DTX2: variants seen among roughly 807,000 people sequenced by gnomAD.
DTX2 encodes the protein deltex E3 ubiquitin ligase 2, also known as probable E3 ubiquitin-protein ligase DTX2.
DTX2 carries 29 observed loss-of-function variants against 55.3 expected under a neutral mutation model. The ratio of observed to expected loss-of-function variants is 0.52; its 90% CI spans 0.39 to 0.71. The LOEUF (loss-of-function observed/expected upper bound fraction) is 0.71, where lower values mean the gene tolerates loss of function less well. DTX2 is among the 30% of genes least tolerant of loss of function. The pLI is 0.00. For missense variants in DTX2, 537 were observed against 822.5 expected (o/e 0.65, Z 4.25); for synonymous variants, 276 against 340.4 (o/e 0.81, Z 2.08).
Position 76,480,482 on chromosome 7 carries a change from T to C in DTX2, c.-28T>C. The C allele has an allele frequency of 6.5e-7, 1 of 1,538,240 alleles. No individual in the cohort carries two copies. The highest frequency in any genetic ancestry group is 2.3e-5 in the East Asian group (1 of 44,280). ...CAGGCCAGAGGGGTCTGAAGCTGTT[T>C]GGGAAAGCAGCGGGACTCCTTGGGA... On this transcript the variant is annotated 5_prime_UTR_variant, in exon 3 of 11. Transcript: ENST00000430490.
chr7:76,500,112 A>T (rs1312041356), intron 6 of DTX2: 1 of 347,246 alleles, frequency 2.9e-6, no homozygotes, highest in East Asian at 7.5e-5. Context: ...GCGCAGCCTC[A>T]GAAGCGCCGG....
chr7:76,498,860 A>G (rs1219280020), intron 6 of DTX2, among the ~76,000 whole-genome samples: 5 of 52,904 alleles, frequency 9.5e-5, no homozygotes, highest in Non-Finnish European at 1.3e-4. Context: ...TGTGGAGGTG[A>G]GGGTGTGTGG....
Position 76,472,474 on chromosome 7 carries a change from A to C in DTX2, c.-89-7947A>C, listed in dbSNP as rs1490606062. On this transcript the variant is annotated intron_variant, in intron 2 of 10. Transcript: ENST00000430490. ...CCCAGGTAGCTGGGATTACAGGTGCATGCCACCATGCCCAGCTAATTTTTG... is the reference window on the plus strand; with the variant it reads ...CCCAGGTAGCTGGGATTACAGGTGCCTGCCACCATGCCCAGCTAATTTTTG... Among the ~76,000 whole-genome samples the C allele has an allele frequency of 2.7e-5, 4 of 145,492 alleles. No homozygotes were observed. In the East Asian group the frequency reaches 8.0e-4, roughly 29 times the overall value.
chr7:76,480,704 G>A lies in DTX2; in HGVS notation c.195G>A (p.Leu65=). 6.2e-7 allele frequency: 1 copy of A among 1,613,684 alleles called. No individual in the cohort carries two copies. Among genetic ancestry groups the A allele is most frequent in the Non-Finnish European group, 8.5e-7 (1 of 1,179,818 alleles). ...GLGSLAHSIP[L]GQADPSLAPY... is the part of the protein sequence containing the mutation. ...GGAGCCTGGCCCACAGCATCCCCTT[G>A]GGCCAGGCAGACCCCTCGCTGGCCC... Residue 65 remains leucine, a synonymous_variant, in exon 3 of 11, where the codon TTG becomes TTA. Coordinates refer to ENST00000430490, the MANE Select transcript of DTX2 (RefSeq NM_001102594.3).
rs550117954 is a variant in DTX2 at position 76,482,919 on chromosome 7, C to T, written c.680C>T (p.Pro227Leu). The T allele has an allele frequency of 6.2e-7, 1 of 1,613,876 alleles. No homozygotes were observed. Among genetic ancestry groups the T allele is most frequent in the Non-Finnish European group, 8.5e-7 (1 of 1,179,788 alleles). The part of the protein sequence containing the change: ...SMTNLPAYPV[P>L]QHPPHRTASV... The stretch of plus-strand genomic sequence containing the variant: ...ACCAACCTCCCTGCATACCCCGTCC[C>T]CCAGCACCCCCCACACAGGACCGCT... Residue 227 changes from proline to leucine, a missense_variant, in exon 4 of 11, where the codon CCC (proline) becomes CTC (leucine). Pro to Leu is a moderately conservative substitution (Grantham distance 98). This residue lies in a region of DTX2 where 301 missense variants were observed against 396.6 expected (regional missense o/e 0.76). Transcript: ENST00000430490.
intron 8 of DTX2, chr7:76,503,132 A>T (rs529832992): frequency 4.2e-6 from 2 of 479,716 alleles, no homozygotes; most frequent in Admixed American, 3.6e-5. Flanking sequence ...AAGGCTGTCT[A>T]TCCGACTGCA....
At chr7:76,503,818 G>A (rs556872387) in intron 9 of DTX2, among the ~76,000 whole-genome samples, 2,453 of 150,596 alleles carry the variant, frequency 0.016, 66 homozygotes, top group African/African-American at 0.056. Context: ...ACTCTTTCCT[G>A]AACCAAGGAA....
At chr7:76,479,782 A>G (rs1808960776) in intron 2 of DTX2, among the ~76,000 whole-genome samples, 1 of 151,280 alleles carries the variant, frequency 6.6e-6, no homozygotes, top group Non-Finnish European at 1.5e-5. Flanking sequence ...TCAAAGAAAA[A>G]AAAATACATG....
intron 7 of DTX2, chr7:76,502,074 A>G (rs2116611810): frequency 1.9e-6 from 1 of 538,322 alleles, no homozygotes; most frequent in Non-Finnish European, 3.3e-6. Flanking sequence ...CTTAGTAGAG[A>G]TGGGGTTTTC....
chr7:76,463,098 G>T (rs1204042725), intron 1 of DTX2, among the ~76,000 whole-genome samples: 2 of 148,930 alleles, frequency 1.3e-5, no homozygotes, highest in Non-Finnish European at 3.0e-5. Flanking sequence ...CTAAAAAAAC[G>T]AACTTTTTTT....
At chr7:76,475,183 T>A (rs193233487) in intron 2 of DTX2, among the ~76,000 whole-genome samples, 2,590 of 149,902 alleles carry the variant, frequency 0.017, 108 homozygotes, top group East Asian at 0.13. Flanking sequence ...TGGTGGTGGG[T>A]GCCTGTAATC....
In DTX2 at chr7:76,483,047, G is replaced by C. The variant is rs1563738124; in HGVS notation, c.808G>C (p.Ala270Pro). ...GAACACCACCAACGCCTGGGGCGCA[G>C]CTCCTCCTTCCCTGGGGAGCCAGCC... ...RLNTTNAWGA[A>P]PPSLGSQPLY... The change falls in exon 4 of 11, where the codon GCT becomes CCT. Residue 270 changes from alanine to proline, a missense_variant. Ala to Pro is a conservative substitution (Grantham distance 27, BLOSUM62 -1). Around this residue, in one of 7 missense-constraint regions of DTX2, gnomAD observed 301 missense variants for 396.6 expected, o/e 0.76. Transcript: ENST00000430490. 4.3e-6 allele frequency: 7 copies of C among 1,613,402 alleles called. No individual in the cohort carries two copies. In the South Asian group the frequency reaches 7.7e-5, roughly 18 times the overall value.
At chr7:76,486,483 C>T (rs1386863954) in intron 4 of DTX2, among the ~76,000 whole-genome samples, 3 of 102,734 alleles carry the variant, frequency 2.9e-5, no homozygotes, top group Non-Finnish European at 5.8e-5. Context: ...CTGGAACTCA[C>T]GTGCACAGCT....
intron 3 of DTX2, among the ~76,000 whole-genome samples, chr7:76,481,625 G>C (rs1473528939): frequency 6.6e-6 from 1 of 152,036 alleles, no homozygotes. Context: ...AGACATTGTT[G>C]GTTGTTACAG....
rs573684223 is a variant in DTX2 at position 76,499,525 on chromosome 7, T to TG, written c.1151-914dup. On this transcript the variant is annotated intron_variant, in intron 6 of 10. Coordinates refer to ENST00000430490, the MANE Select transcript of DTX2 (RefSeq NM_001102594.3). ...TTCAAACCAGAGCCCCTTCTGGTCC[T>TG]GGAGTCTGGGACGACCGCAGCCCCA... 1.8e-3 allele frequency among the ~76,000 whole-genome samples: 270 copies of TG among 151,656 alleles called. 1 individual carries two copies. The highest frequency in any genetic ancestry group is 6.4e-3 in the African/African-American group (263 of 41,286).
At chr7:76,467,641 C>G (rs1436050199) in intron 2 of DTX2, among the ~76,000 whole-genome samples, 2 of 130,558 alleles carry the variant, frequency 1.5e-5, no homozygotes, top group Non-Finnish European at 3.2e-5. Context: ...TATTTTTTCC[C>G]TAGTACTCAG....
rs1236329458 is a variant in DTX2 at position 76,502,452 on chromosome 7, A to G, written c.1385A>G (p.Asn462Ser). Residue 462 changes from asparagine (N) to serine (S), a missense_variant, in exon 8 of 11, where the codon AAT becomes AGT. Transcript: ENST00000430490. The part of the protein sequence containing the change: ...LCLLAMYCNG[N>S]KDGSLQCPSC... ...CTCCTGGCCATGTACTGCAACGGCA[A>G]TAAGGTGCCCCCACTGGCCCAGGGC... The G allele has an allele frequency of 1.2e-6, 2 of 1,611,364 alleles. No individual in the cohort carries two copies. The highest frequency in any genetic ancestry group is 1.1e-5 in the South Asian group (1 of 90,982).
Position 76,482,863 on chromosome 7 carries a change from C to T in DTX2, c.624C>T (p.Gly208=), listed in dbSNP as rs761778612. 1.9e-6 allele frequency: 3 copies of T among 1,613,800 alleles called. No homozygotes were observed. In the South Asian group the frequency reaches 3.3e-5, roughly 18 times the overall value. ...AGTGCCTCAGTGGCAGCAGAACTGG[C>T]CCCGTGTCAGGCCGCTACCGCCACT... ...CHQCLSGSRT[G]PVSGRYRHSM... is the part of the protein sequence containing the mutation. The change falls in exon 4 of 11, where the codon GGC becomes GGT. Residue 208 remains glycine, a synonymous_variant. Transcript: ENST00000430490.
At chr7:76,502,514 C>T (rs1222405131) in intron 8 of DTX2, 58 bp downstream of exon 8, 5 of 1,572,528 alleles carry the variant, frequency 3.2e-6, no homozygotes, top group East Asian at 2.3e-5. Context: ...CCTGAGCTGT[C>T]CCCTGCAGGG....
Sources: gnomAD v4.1 joint callset for allele counts (sites outside exome capture counted in the v4.1 genomes callset) on GRCh38, gnomAD v4.1.1 for gene constraint, gnomAD v4.1.1 regional missense constraint, MANE v1.5 for transcripts, NCBI Gene and HGNC (gene_info 2026-07-23, HGNC 2026-07-21) for gene names.